ZBTB16: variants seen among roughly 807,000 people sequenced by gnomAD.
ZBTB16 encodes zinc finger and BTB domain containing 16.
ZBTB16 carries 8 observed loss-of-function variants against 56.8 expected under a neutral mutation model. That is an observed-to-expected ratio of 0.14 (90% CI 0.08 to 0.25). The LOEUF is 0.25. ZBTB16 is among the 10% of genes least tolerant of loss of function. The pLI, the probability that ZBTB16 is intolerant of heterozygous loss-of-function variation, is 1.00. For missense variants in ZBTB16, 625 were observed against 903.0 expected (o/e 0.69, Z 3.95); for synonymous variants, 363 against 368.5 (o/e 0.98, Z 0.17).
chr11:114,083,977 G>C (rs911576964), intron 2 of ZBTB16, among the ~76,000 whole-genome samples: 3 of 152,062 alleles, frequency 2.0e-5, no homozygotes, highest in Non-Finnish European at 4.4e-5. Flanking sequence ...ATCACATCAG[G>C]GTGATTATAT....
chr11:114,088,627 C>G (rs545602273), intron 2 of ZBTB16, among the ~76,000 whole-genome samples: 25 of 152,206 alleles, frequency 1.6e-4, no homozygotes, highest in Non-Finnish European at 3.4e-4. Flanking sequence ...AGGAGGATGC[C>G]TGATGGCCAG....
Position 114,167,232 on chromosome 11 carries a change from G to GTTTTTTTTTTTTTTT in ZBTB16, c.1366+10805_1366+10819dup, listed in dbSNP as rs58946694. ...GGATTTGTGGTTTTTTTTTTTTTTGGTTTTTTTTTTTTTTTTTTTTTGACA... is the reference window on the plus strand; with the variant it reads ...GGATTTGTGGTTTTTTTTTTTTTTGGTTTTTTTTTTTTTTTTTTTTTTTTTTTTTTTTTTTTGACA... On this transcript the variant is annotated intron_variant, in intron 3 of 6. Transcript: ENST00000335953. Among the ~76,000 whole-genome samples, 173 of 88,710 alleles carry GTTTTTTTTTTTTTTT rather than the reference G, an allele frequency of 2.0e-3. 12 individuals carry two copies. The highest frequency in any genetic ancestry group is 2.1e-3 in the Admixed American group (14 of 6,784). 58.2% of individuals were successfully genotyped at this position (88,710 alleles called of 152,430 possible).
chr11:114,144,325 C>A (rs1942042948), intron 2 of ZBTB16, among the ~76,000 whole-genome samples: 1 of 152,134 alleles, frequency 6.6e-6, no homozygotes, highest in African/African-American at 2.4e-5. Context: ...TGGGAAAACT[C>A]ATAATTTTCA....
At chr11:114,182,456 T>C (rs2135047246) in intron 3 of ZBTB16, among the ~76,000 whole-genome samples, 1 of 152,320 alleles carries the variant, frequency 6.6e-6, no homozygotes, top group African/African-American at 2.4e-5. Flanking sequence ...ATAAACTCCC[T>C]GAGGGCAGGG....
chr11:114,183,659 A>G (rs1225079741), intron 3 of ZBTB16, among the ~76,000 whole-genome samples: 3 of 152,212 alleles, frequency 2.0e-5, no homozygotes, highest in African/African-American at 4.8e-5. Flanking sequence ...CCAAGGAAGA[A>G]ATACAATTAA....
intron 2 of ZBTB16, among the ~76,000 whole-genome samples, chr11:114,128,741 A>G (rs1267169143): frequency 6.6e-6 from 1 of 152,144 alleles, no homozygotes; most frequent in African/African-American, 2.4e-5. Flanking sequence ...TGGCCATTGA[A>G]GGCCTGGGTG....
rs1442999796 is a variant in ZBTB16 at position 114,150,029 on chromosome 11, CA to C, written c.1269-6307del. On this transcript the variant is annotated intron_variant, in intron 2 of 6. Transcript: ENST00000335953. ...GAGATAAAGACATAGTTCTTGCCCC[CA>C]CAGAGTGTATAGTCTTAAGGAACTT... is the stretch of plus-strand genomic sequence containing the variant. Among the ~76,000 whole-genome samples, 8 of 152,318 alleles carry C rather than the reference CA, an allele frequency of 5.3e-5. No individual in the cohort carries two copies. In the East Asian group the frequency reaches 1.4e-3, roughly 26 times the overall value.
At chr11:114,176,107 A>G (rs568465918) in intron 3 of ZBTB16, among the ~76,000 whole-genome samples, 1 of 152,166 alleles carries the variant, frequency 6.6e-6, no homozygotes, top group East Asian at 1.9e-4. Context: ...AAGGAGCAGA[A>G]TAGATGAGGA....
intron 4 of ZBTB16, among the ~76,000 whole-genome samples, chr11:114,233,026 A>C (rs1340388315): frequency 5.4e-5 from 6 of 110,436 alleles, no homozygotes; most frequent in African/African-American, 1.2e-4. Flanking sequence ...TTTCCACCCC[A>C]ACTCATCCCC....
chr11:114,078,858 A>T (rs906931804), intron 2 of ZBTB16, among the ~76,000 whole-genome samples: 3 of 151,486 alleles, frequency 2.0e-5, no homozygotes, highest in Non-Finnish European at 2.9e-5. Context: ...GGAGTTTGAG[A>T]CCAGCCTGGC....
intron 3 of ZBTB16, among the ~76,000 whole-genome samples, chr11:114,165,302 C>G: frequency 6.6e-6 from 1 of 152,210 alleles, no homozygotes; most frequent in Non-Finnish European, 1.5e-5. Context: ...TTGGCCCCTG[C>G]TTTTCCCAGG....
At chr11:114,232,729 A>T (rs1944465942) in intron 4 of ZBTB16, among the ~76,000 whole-genome samples, 1 of 150,692 alleles carries the variant, frequency 6.6e-6, no homozygotes, top group African/African-American at 2.5e-5. Flanking sequence ...TGGGCCAATT[A>T]GTTTCACAAA....
chr11:114,072,774 C>T (rs115906942), intron 2 of ZBTB16, among the ~76,000 whole-genome samples: 3,717 of 152,136 alleles, frequency 0.024, 157 homozygotes, highest in African/African-American at 0.086. Context: ...TTGTACAGGC[C>T]GGGCGCAGTG....
chr11:114,126,824 G>A (rs928379582), intron 2 of ZBTB16, among the ~76,000 whole-genome samples: 3 of 152,150 alleles, frequency 2.0e-5, no homozygotes, highest in African/African-American at 7.2e-5. Flanking sequence ...CTTGACCTAC[G>A]AGGGGCCATC....
intron 2 of ZBTB16, among the ~76,000 whole-genome samples, chr11:114,073,441 C>T (rs1282330040): frequency 6.6e-6 from 1 of 152,172 alleles, no homozygotes; most frequent in Non-Finnish European, 1.5e-5. Context: ...CCTTAAAAGC[C>T]CCGGTGTCCT....
chr11:114,122,304 A>G (rs1941367421), intron 2 of ZBTB16, among the ~76,000 whole-genome samples: 1 of 152,158 alleles, frequency 6.6e-6, no homozygotes, highest in Admixed American at 6.5e-5. Context: ...GTTCTTTGGC[A>G]GATGTACCTG....
At chr11:114,123,838 C>T (rs539969074) in intron 2 of ZBTB16, among the ~76,000 whole-genome samples, 1 of 152,138 alleles carries the variant, frequency 6.6e-6, no homozygotes, top group Non-Finnish European at 1.5e-5. Context: ...GAGCCACCCA[C>T]CCCTGTCACC....
At position 114,063,609 on chromosome 11, in the gene ZBTB16, G is replaced by C; in HGVS notation, c.309G>C (p.Leu103=). 1 of 1,614,228 alleles carries C rather than the reference G, an allele frequency of 6.2e-7. No individual in the cohort carries two copies. Among genetic ancestry groups the C allele is most frequent in the Non-Finnish European group, 8.5e-7 (1 of 1,180,048 alleles). The part of the protein sequence containing the change: ...QAKAEDLDDL[L]YAAEILEIEY... ...AGGCGGAGGACCTGGATGACCTGCT[G>C]TATGCGGCCGAGATCCTGGAGATCG... Residue 103 remains leucine, a synonymous_variant, in exon 2 of 7, where the codon CTG becomes CTC. Coordinates refer to ENST00000335953, the MANE Select transcript of ZBTB16 (RefSeq NM_006006.6). This position sits in a 1 kb window ranked among gnomAD's most constrained non-coding sequence, Gnocchi z 6.5.
chr11:114,239,206 C>T (rs1205813412), intron 4 of ZBTB16, among the ~76,000 whole-genome samples: 1 of 152,224 alleles, frequency 6.6e-6, no homozygotes, highest in African/African-American at 2.4e-5. Flanking sequence ...GTGGGTCTGG[C>T]TGTATAGGCT....
Sources: allele counts gnomAD v4.1 joint callset (sites outside exome capture counted in the v4.1 genomes callset), GRCh38; gene constraint gnomAD v4.1.1; non-coding constraint Gnocchi (gnomAD v3.1); transcripts MANE v1.5; gene names NCBI Gene and HGNC (gene_info 2026-07-23, HGNC 2026-07-21).